RNF128: variants seen among roughly 807,000 people sequenced by gnomAD.
RNF128 encodes ring finger protein 128.
Under a neutral mutation model 26.2 loss-of-function variants are expected in RNF128, and 13 were observed. The ratio of observed to expected loss-of-function variants is 0.50; its 90% CI spans 0.32 to 0.79. The LOEUF is 0.79. Ranked by LOEUF, RNF128 falls within the 30% of genes least tolerant of loss-of-function variation. The pLI is 0.03. For missense variants in RNF128, 315 were observed against 349.7 expected, an observed-to-expected ratio of 0.90 and a Z score of 0.79; for synonymous variants, 149 against 142.5, an observed-to-expected ratio of 1.05 and a Z score of -0.32.
intron 1 of RNF128, among the ~76,000 whole-genome samples, chrX:106,699,218 C>T (rs902863676): frequency 4.5e-5 from 5 of 111,142 alleles, no homozygotes; most frequent in South Asian, 3.7e-4. Flanking sequence ...GTAATTCCAC[C>T]CCAGTTAGAA....
chrX:106,708,458 G>A (rs1174080560), intron 1 of RNF128, among the ~76,000 whole-genome samples: 1 of 112,534 alleles, frequency 8.9e-6, no homozygotes, highest in Non-Finnish European at 1.9e-5. Flanking sequence ...TATTGTAGAT[G>A]TAGTGATCTC....
At chrX:106,709,770 T>C (rs1929095783) in intron 1 of RNF128, among the ~76,000 whole-genome samples, 1 of 111,514 alleles carries the variant, frequency 9.0e-6, no homozygotes, top group Non-Finnish European at 1.9e-5. Flanking sequence ...GATCTCGAAC[T>C]CTCGACCTCA....
chrX:106,790,859 T>A lies in RNF128; in HGVS notation c.985-207T>A, dbSNP rs965192134. Among the ~76,000 whole-genome samples, 5 of 110,373 alleles carry A rather than the reference T, an allele frequency of 4.5e-5. No homozygotes were observed. The Admixed American group carries it at 4.9e-4, about 11-fold the overall frequency. The stretch of plus-strand genomic sequence containing the variant: ...ATACCAGATGAGAGTGCACTCCGCC[T>A]ATAGCATCTTTCATCCCATTGGTGG... On this transcript the variant is annotated intron_variant, in intron 5 of 6. Transcript: ENST00000255499.
At chrX:106,750,894 G>A (rs1929872162) in intron 1 of RNF128, among the ~76,000 whole-genome samples, 1 of 111,859 alleles carries the variant, frequency 8.9e-6, no homozygotes, top group African/African-American at 3.2e-5. Flanking sequence ...TATGACAAGA[G>A]TGAAAAATTG....
chrX:106,777,062 T>G (rs1347955924), intron 2 of RNF128, among the ~76,000 whole-genome samples: 1 of 111,885 alleles, frequency 8.9e-6, no homozygotes, highest in Admixed American at 9.5e-5. Flanking sequence ...TTTCCGGATT[T>G]TTTTTGTAAC....
At chrX:106,768,423 T>TAAGAAG (rs1930295174) in intron 1 of RNF128, among the ~76,000 whole-genome samples, 1 of 111,720 alleles carries the variant, frequency 9.0e-6, no homozygotes, top group Non-Finnish European at 1.9e-5. Context: ...GAGATTCAAC[T>TAAGAAG]TCTTCCTGGT....
intron 1 of RNF128, among the ~76,000 whole-genome samples, chrX:106,736,844 A>G (rs1303316878): frequency 8.9e-6 from 1 of 112,171 alleles, no homozygotes; most frequent in Non-Finnish European, 1.9e-5. Flanking sequence ...TTGAGAACCC[A>G]GTGTTTAGCA....
intron 2 of RNF128, among the ~76,000 whole-genome samples, chrX:106,779,475 A>C (rs771391948): frequency 9.1e-6 from 1 of 109,401 alleles, no homozygotes; most frequent in African/African-American, 3.3e-5. Flanking sequence ...TCATCTAAAA[A>C]ATTTGAACTC....
At chrX:106,701,295 T>A (rs1928951991) in intron 1 of RNF128, among the ~76,000 whole-genome samples, 1 of 111,550 alleles carries the variant, frequency 9.0e-6, no homozygotes, top group Non-Finnish European at 1.9e-5. Flanking sequence ...TAAAAAGTGC[T>A]CCCACCGTTC....
intron 1 of RNF128, among the ~76,000 whole-genome samples, chrX:106,765,493 C>G (rs1319355920): frequency 9.0e-6 from 1 of 110,977 alleles, no homozygotes; most frequent in Non-Finnish European, 1.9e-5. Context: ...CAAATAATGT[C>G]TGTGATTTTA....
chrX:106,766,487 T>A (rs1310025624), intron 1 of RNF128, among the ~76,000 whole-genome samples: 1 of 112,616 alleles, frequency 8.9e-6, no homozygotes, highest in Non-Finnish European at 1.9e-5. Context: ...TTTTTTCATG[T>A]GTCTTTTGGC....
At chrX:106,752,842 A>G (rs1929921531) in intron 1 of RNF128, among the ~76,000 whole-genome samples, 1 of 111,833 alleles carries the variant, frequency 8.9e-6, no homozygotes, top group Admixed American at 9.5e-5. Flanking sequence ...ATTCTATCAG[A>G]TAAATTGAAC....
At chrX:106,731,480 AAAAT>A (rs1174472028) in intron 1 of RNF128, among the ~76,000 whole-genome samples, 1 of 111,687 alleles carries the variant, frequency 9.0e-6, no homozygotes, top group Admixed American at 9.5e-5. Flanking sequence ...GTTGACTTTG[AAAAT>A]AAATCTTTTT....
At chrX:106,696,466 T>A (rs899984963) in intron 1 of RNF128, among the ~76,000 whole-genome samples, 1 of 111,352 alleles carries the variant, frequency 9.0e-6, no homozygotes, top group Non-Finnish European at 1.9e-5. Flanking sequence ...TTAAAGACTG[T>A]CATTATTTTA....
intron 3 of RNF128, among the ~76,000 whole-genome samples, chrX:106,787,624 A>G (rs765999230): frequency 1.1e-3 from 118 of 111,701 alleles, no homozygotes; most frequent in Admixed American, 1.9e-3. Context: ...GAAAAGTTAT[A>G]GAGCTTGCAC....
chrX:106,714,263 AT>A (rs1020384380), intron 1 of RNF128, among the ~76,000 whole-genome samples: 5 of 110,134 alleles, frequency 4.5e-5, no homozygotes, highest in Non-Finnish European at 9.5e-5. Flanking sequence ...AAACACGGTG[AT>A]TTTTTTTTAT....
At chrX:106,745,835 A>AT (rs961762275) in intron 1 of RNF128, among the ~76,000 whole-genome samples, 15 of 108,900 alleles carry the variant, frequency 1.4e-4, no homozygotes, top group Admixed American at 3.0e-4. Flanking sequence ...AAAAGTTTAG[A>AT]TTTTTTTTTT....
chrX:106,738,719 T>C (rs1420771931), intron 1 of RNF128, among the ~76,000 whole-genome samples: 2 of 112,107 alleles, frequency 1.8e-5, no homozygotes, highest in African/African-American at 6.5e-5. Flanking sequence ...CATGTAAAAC[T>C]TTGTGACCTT....
At chrX:106,793,012 T>A (rs1481096621) in intron 6 of RNF128, among the ~76,000 whole-genome samples, 1 of 111,829 alleles carries the variant, frequency 8.9e-6, no homozygotes, top group Non-Finnish European at 1.9e-5. Flanking sequence ...TACACATAGT[T>A]CATGTCGTGT....
Sources: allele counts gnomAD v4.1 joint callset (sites outside exome capture counted in the v4.1 genomes callset), GRCh38; gene constraint gnomAD v4.1.1; transcripts MANE v1.5; gene names NCBI Gene and HGNC (gene_info 2026-07-23, HGNC 2026-07-21).